PTOV1: variants seen among roughly 807,000 people sequenced by gnomAD.
The protein encoded by PTOV1 is PTOV1 extended AT-hook containing adaptor protein.
Under a neutral mutation model 58.0 loss-of-function variants are expected in PTOV1, and 20 were observed. The ratio of observed to expected loss-of-function variants is 0.34; its 90% CI spans 0.24 to 0.50. PTOV1 has a LOEUF of 0.50. Ranked by LOEUF, PTOV1 falls within the 20% of genes least tolerant of loss-of-function variation. The pLI, the probability that PTOV1 is intolerant of heterozygous loss-of-function variation, is 0.98. For synonymous variants in PTOV1, 335 were observed against 234.2 expected (o/e 1.43, Z -3.93); for missense variants, 593 against 565.4 (o/e 1.05, Z -0.50).
chr19:49,858,595 A>G, exon 10 of PTOV1: 1 of 1,606,942 alleles, frequency 6.2e-7, no homozygotes, highest in Non-Finnish European at 8.5e-7. Context: ...GTCCAGTTCC[A>G]CTTCACCAAG....
intron 9 of PTOV1, 77 bp from the exon 10 acceptor site, chr19:49,858,472 G>C (rs908913192): frequency 9.0e-6 from 11 of 1,219,042 alleles, no homozygotes; most frequent in East Asian, 2.6e-5. Flanking sequence ...TCCTGGGCCC[G>C]GGGGACTCAG....
intron 1 of PTOV1, 155 bp downstream of exon 1, chr19:49,851,654 AC>A (rs1470233128): frequency 1.1e-5 from 12 of 1,090,010 alleles, no homozygotes; most frequent in Non-Finnish European, 1.4e-5. Context: ...CCCGTGGAGC[AC>A]CCGGTGGTTC....
At chr19:49,857,477 GCACC>G (rs1245997034) in intron 6 of PTOV1, 20 of 621,622 alleles carry the variant, frequency 3.2e-5, no homozygotes, top group Non-Finnish European at 5.7e-5. Flanking sequence ...CAGGTCCTGT[GCACC>G]AGGTGAGGGC....
At chr19:49,851,402 G>T in exon 1 of PTOV1, 1 of 1,189,524 alleles carries the variant, frequency 8.4e-7, no homozygotes, top group Non-Finnish European at 1.0e-6. Context: ...CGCCCTCCGC[G>T]GCCCCTCGTG....
chr19:49,859,491 G>C (rs540820452), intron 10 of PTOV1, among the ~76,000 whole-genome samples: 136 of 152,068 alleles, frequency 8.9e-4, no homozygotes, highest in Non-Finnish European at 1.6e-3. Context: ...AGAATGGCTT[G>C]AACCCGGGAG....
intron 9 of PTOV1, chr19:49,858,328 G>T: frequency 2.8e-6 from 2 of 720,790 alleles, no homozygotes; most frequent in South Asian, 3.7e-5. Context: ...AGCGGGGCAG[G>T]GGCAGCCACG....
intron 10 of PTOV1, 160 bp from the exon 11 acceptor site, chr19:49,859,826 T>G (rs1269588596): frequency 2.7e-6 from 2 of 729,832 alleles, no homozygotes; most frequent in Non-Finnish European, 4.6e-6. Flanking sequence ...GGCCACCGTG[T>G]CATCCCAATA....
In PTOV1 at chr19:49,854,907, A is replaced by ACCCCC; in HGVS notation, c.450+23_450+24insCCCCC. The ACCCCC allele has an allele frequency of 7.6e-7, 1 of 1,310,764 alleles. No individual in the cohort carries two copies. Among genetic ancestry groups the ACCCCC allele is most frequent in the Admixed American group, 2.2e-5 (1 of 45,664 alleles). The allele number at this position is 1,310,764 out of a possible 1,614,324, so 81.2% of individuals were successfully genotyped here. Reference sequence around the variant, plus strand: ...GCTGCTGGTGAGACCCGCCCCTCCCACCCCATCCACTCTGAGCACCCCCAT... The same window carrying ACCCCC: ...GCTGCTGGTGAGACCCGCCCCTCCCACCCCCCCCCATCCACTCTGAGCACCCCCAT... On this transcript the variant is annotated intron_variant, in intron 4 of 11. Coordinates refer to ENST00000391842, the Ensembl canonical transcript of PTOV1.
chr19:49,859,876 A>C, intron 10 of PTOV1, 110 bp from the exon 11 acceptor site: 2 of 1,195,924 alleles, frequency 1.7e-6, no homozygotes, highest in Non-Finnish European at 2.4e-6. Context: ...GTGTGAGGAC[A>C]GAGCAGTTAG....
intron 3 of PTOV1, 47 bp downstream of exon 3, chr19:49,854,781 T>A (rs2074388486): frequency 6.2e-7 from 1 of 1,613,064 alleles, no homozygotes; most frequent in East Asian, 2.2e-5. Context: ...GGGCAGTGGC[T>A]GTGGCCGTGG....
At position 49,854,442 on chromosome 19, in the gene PTOV1, G is replaced by A. The variant is rs764573893; in HGVS notation, c.208G>A (p.Gly70Ser). ...GGTCTTCGGGGCACTGGGTCCCATCGGTCCCTCCTCACCTGGGCTCACCCT... is the reference window on the plus strand; with the variant it reads ...GGTCTTCGGGGCACTGGGTCCCATCAGTCCCTCCTCACCTGGGCTCACCCT... The change falls in exon 2 of 12, where the codon GGT becomes AGT. Residue 70 changes from glycine (G) to serine (S), a missense_variant. Transcript: ENST00000391842. The A allele has an allele frequency of 3.2e-5, 51 of 1,611,794 alleles. 1 individual carries two copies. The South Asian group carries it at 4.5e-4, about 14-fold the overall frequency.
exon 12 of PTOV1, chr19:49,860,563 C>G: frequency 1.7e-6 from 1 of 573,872 alleles, no homozygotes; most frequent in South Asian, 2.3e-5. Context: ...GATGTGGGGT[C>G]AGTGCTTGGG....
chr19:49,860,028 C>A (rs773895100), exon 11 of PTOV1: 1 of 1,614,202 alleles, frequency 6.2e-7, no homozygotes, highest in Non-Finnish European at 8.5e-7. Flanking sequence ...GTGTGAGATC[C>A]GCGTGCTTAT....
exon 1 of PTOV1, chr19:49,851,382 G>C (rs1255001965): frequency 8.6e-7 from 1 of 1,156,368 alleles, no homozygotes; most frequent in Non-Finnish European, 1.1e-6. Context: ...GCCCCCTCGG[G>C]GGTCGCGGCC....
chr19:49,853,193 GA>G (rs2074321268), intron 1 of PTOV1: 1 of 152,200 alleles, frequency 6.6e-6, no homozygotes, highest in Non-Finnish European at 1.5e-5. Flanking sequence ...GTGCTTCATA[GA>G]AAATTTGGAA....
rs748749087 is a variant in PTOV1, at chr19:49,857,799, C to T, written c.804+17C>T. 1.2e-6 allele frequency: 2 copies of T among 1,613,832 alleles called. No homozygotes were observed. The highest frequency in any genetic ancestry group is 8.5e-7 in the Non-Finnish European group (1 of 1,179,816). ...TGGCAGGAGGTGAGCACTCGGCAGC[C>T]CAGGGACTTGGGACCCCCAGATCCT... is the stretch of plus-strand genomic sequence containing the variant. On this transcript the variant is annotated intron_variant, in intron 7 of 11. Coordinates refer to ENST00000391842, the Ensembl canonical transcript of PTOV1.
At chr19:49,853,481 C>T (rs1453240518) in intron 1 of PTOV1, among the ~76,000 whole-genome samples, 2 of 142,678 alleles carry the variant, frequency 1.4e-5, no homozygotes, top group Non-Finnish European at 3.0e-5. Context: ...CATGGTGAAA[C>T]CCCATCTCTA....
At chr19:49,857,572 G>T (rs935779991) in intron 6 of PTOV1, 121 bp from the exon 7 acceptor site, 5 of 911,692 alleles carry the variant, frequency 5.5e-6, no homozygotes, top group African/African-American at 3.3e-5. Flanking sequence ...TGGGACTAGA[G>T]AATGGACCCA....
At position 49,857,964 on chromosome 19, in the gene PTOV1, CA is replaced by C. The variant is rs2074554276; in HGVS notation, c.866del (p.Gln289ArgfsTer5). 6.2e-7 allele frequency: 1 copy of C among 1,613,670 alleles called. No individual in the cohort carries two copies. Among genetic ancestry groups the C allele is most frequent in the Non-Finnish European group, 8.5e-7 (1 of 1,179,740 alleles). ...GCTGCCATCCCACGTCTACGTGAAC[CA>C]GGGGGAGATCCTGTGAGTGCTGGGC... is the stretch of plus-strand genomic sequence containing the variant. On this transcript the variant is annotated frameshift_variant, in exon 8 of 12. Coordinates refer to ENST00000391842, the Ensembl canonical transcript of PTOV1. LOFTEE classifies it high-confidence loss of function.
Sources: allele counts gnomAD v4.1 joint callset (sites outside exome capture counted in the v4.1 genomes callset), GRCh38; gene constraint gnomAD v4.1.1; transcripts MANE v1.5; gene names NCBI Gene and HGNC (gene_info 2026-07-23, HGNC 2026-07-21).